Variants in ECT2L observed in about 807,000 individuals in gnomAD.
ECT2L encodes the protein epithelial cell-transforming sequence 2 oncogene-like.
In ECT2L, 126 loss-of-function variants were observed where a neutral mutation model predicts 122.8. The observed-to-expected ratio is 1.03, with a 90% CI of 0.89 to 1.19. The LOEUF (loss-of-function observed/expected upper bound fraction) is 1.19. Among genes scored for constraint, ECT2L ranks in the 50% most tolerant of loss-of-function variants. ECT2L has a pLI of 0.00. For missense variants in ECT2L, 1,012 were observed against 1,064.1 expected (o/e 0.95, Z 0.68); for synonymous variants, 385 against 381.8 (o/e 1.01, Z -0.10).
chr6:138,843,050 T>C lies in ECT2L; in HGVS notation c.414T>C (p.Tyr138=). The C allele has an allele frequency of 5.0e-6, 8 of 1,613,528 alleles. No homozygotes were observed. Among genetic ancestry groups the C allele is most frequent in the Non-Finnish European group, 6.8e-6 (8 of 1,179,582 alleles). ...CCTATACTCCAACAGATAATGAGTATGGTGCTTGGAAGCGCCATTACATTG... is the reference window on the plus strand; with the variant it reads ...CCTATACTCCAACAGATAATGAGTACGGTGCTTGGAAGCGCCATTACATTG... ...FLPYTPTDNE[Y]GAWKRHYIAC... The change falls in exon 6 of 22, where the codon TAT becomes TAC. Residue 138 remains tyrosine (Y), a synonymous_variant. Coordinates refer to ENST00000541398, the MANE Select transcript of ECT2L (RefSeq NM_001077706.3).
At position 138,894,891 on chromosome 6, in the gene ECT2L, T is replaced by C. The variant is rs188948243; in HGVS notation, c.2414+5860T>C. On this transcript the variant is annotated intron_variant, in intron 20 of 21. Transcript: ENST00000541398. The stretch of plus-strand genomic sequence containing the variant: ...ATTGATTTTGCCTCAGCTTCTTCCT[T>C]TTAGGTCAACGACACTGTCTCAGTG... Among the ~76,000 whole-genome samples the C allele has an allele frequency of 3.6e-3, 548 of 152,300 alleles. 4 individuals carry two copies. Among genetic ancestry groups the C allele is most frequent in the African/African-American group, 0.012 (515 of 41,554 alleles).
chr6:138,892,607 C>T (rs1326648525), intron 20 of ECT2L, among the ~76,000 whole-genome samples: 1 of 152,160 alleles, frequency 6.6e-6, no homozygotes, highest in Non-Finnish European at 1.5e-5. Context: ...AATTCTCCTG[C>T]CTCAGGCTTC....
At chr6:138,852,815 A>G (rs1777494536) in intron 9 of ECT2L, among the ~76,000 whole-genome samples, 1 of 152,034 alleles carries the variant, frequency 6.6e-6, no homozygotes, top group Non-Finnish European at 1.5e-5. Flanking sequence ...TAAATGGTGC[A>G]GAGATATTGG....
chr6:138,808,671 CTACA>C (rs1775789745), intron 1 of ECT2L, among the ~76,000 whole-genome samples: 2 of 151,422 alleles, frequency 1.3e-5, no homozygotes, highest in East Asian at 3.9e-4. Context: ...TAATATTTTT[CTACA>C]TACAATTATG....
At chr6:138,890,077 T>C (rs185951608) in intron 20 of ECT2L, among the ~76,000 whole-genome samples, 11 of 152,314 alleles carry the variant, frequency 7.2e-5, no homozygotes, top group East Asian at 3.9e-4. Context: ...GTGTGGGCCA[T>C]AGTGTGGTGA....
chr6:138,869,402 T>A (rs921574713), intron 13 of ECT2L, among the ~76,000 whole-genome samples: 19 of 152,330 alleles, frequency 1.2e-4, no homozygotes, highest in African/African-American at 4.3e-4. Context: ...GAGTATCTGC[T>A]CCTGTTTCAG....
rs752877399 is a variant in ECT2L, at chr6:138,902,607, A to C, written c.2695A>C (p.Lys899Gln). 2 of 1,613,898 alleles carry C rather than the reference A, an allele frequency of 1.2e-6. No individual in the cohort carries two copies. The highest frequency in any genetic ancestry group is 1.7e-6 in the Non-Finnish European group (2 of 1,179,900). ...GCTGTCAGTACTTCGAAATGCAATC[A>C]AAAGCAGTATGGAGAAGTGAGACCG... ...LWLSVLRNAI[K>Q]SSMEK Residue 899 changes from lysine to glutamine, a missense_variant, in exon 22 of 22, where the codon AAA becomes CAA. Lys to Gln is a moderately conservative substitution (Grantham distance 53, BLOSUM62 1). Transcript: ENST00000541398.
chr6:138,897,899 A>G lies in ECT2L; in HGVS notation c.2415-3049A>G, dbSNP rs148057105. Among the ~76,000 whole-genome samples, 4 of 152,310 alleles carry G rather than the reference A, an allele frequency of 2.6e-5. No individual in the cohort carries two copies. In the East Asian group the frequency reaches 7.7e-4, roughly 29 times the overall value. On this transcript the variant is annotated intron_variant, in intron 20 of 21. Coordinates refer to ENST00000541398, the MANE Select transcript of ECT2L (RefSeq NM_001077706.3). ...TTGTCCCTTCCAAAGGAAAAAACTG[A>G]ACATCAATTTACCAAAGCAAGTACC... is the stretch of plus-strand genomic sequence containing the variant.
chr6:138,847,891 A>C (rs1777292939), intron 8 of ECT2L, among the ~76,000 whole-genome samples: 1 of 152,174 alleles, frequency 6.6e-6, no homozygotes, highest in South Asian at 2.1e-4. Flanking sequence ...AAGATTGGGT[A>C]ATTTATAAAG....
chr6:138,898,781 GC>G lies in ECT2L; in HGVS notation c.2415-2166del, dbSNP rs201287153. On this transcript the variant is annotated intron_variant, in intron 20 of 21. Coordinates refer to ENST00000541398, the MANE Select transcript of ECT2L (RefSeq NM_001077706.3). ...GAGGTCTTTGATAAAAATATACACA[GC>G]AGTCCCCCCTTATCCATGAGAATAC... 6.8e-4 allele frequency among the ~76,000 whole-genome samples: 104 copies of G among 152,216 alleles called. No homozygotes were observed. The East Asian group carries it at 0.017, about 25-fold the overall frequency.
At chr6:138,811,885 C>A (rs1166384778) in intron 1 of ECT2L, among the ~76,000 whole-genome samples, 3 of 152,020 alleles carry the variant, frequency 2.0e-5, no homozygotes, top group Non-Finnish European at 4.4e-5. Flanking sequence ...GACGGGGTTT[C>A]ATCATGTTGG....
chr6:138,807,584 TC>T (rs1255007040), intron 1 of ECT2L, among the ~76,000 whole-genome samples: 1 of 152,244 alleles, frequency 6.6e-6, no homozygotes, highest in Non-Finnish European at 1.5e-5. Flanking sequence ...AAAGCCAGTA[TC>T]ATAGGTTTTC....
intron 1 of ECT2L, among the ~76,000 whole-genome samples, chr6:138,799,490 C>T (rs12198968): frequency 0.19 from 28,523 of 152,022 alleles, 3,146 homozygotes; most frequent in Middle Eastern, 0.32. Context: ...CTCCTGACCT[C>T]ATGATCCGCC....
intron 1 of ECT2L, among the ~76,000 whole-genome samples, chr6:138,804,963 C>G (rs907021104): frequency 2.5e-4 from 38 of 152,170 alleles, no homozygotes; most frequent in African/African-American, 8.7e-4. Context: ...CACCAGCATG[C>G]AGAATAACCT....
chr6:138,867,655 CAAAAAAA>C (rs71009601), intron 12 of ECT2L, among the ~76,000 whole-genome samples: 27,103 of 114,462 alleles, frequency 0.24, 2,877 homozygotes, highest in Non-Finnish European at 0.27. Flanking sequence ...CCTAAAACTA[CAAAAAAA>C]AAAAAAAAAA....
intron 10 of ECT2L, among the ~76,000 whole-genome samples, chr6:138,857,982 C>G (rs1186882556): frequency 6.6e-6 from 1 of 152,052 alleles, no homozygotes; most frequent in African/African-American, 2.4e-5. Context: ...AAGAGGAAGC[C>G]CCTTATAAAA....
intron 19 of ECT2L, among the ~76,000 whole-genome samples, chr6:138,887,228 AATTTT>A (rs1197533284): frequency 1.4e-5 from 1 of 71,368 alleles, no homozygotes; most frequent in Non-Finnish European, 3.0e-5. Context: ...TCTTTTCTTT[AATTTT>A]TTTTTTTTTT....
intron 21 of ECT2L, among the ~76,000 whole-genome samples, chr6:138,901,745 T>C (rs1043559036): frequency 1.3e-5 from 2 of 152,250 alleles, no homozygotes; most frequent in African/African-American, 4.8e-5. Context: ...GATCTGTATC[T>C]TATTCCTATA....
intron 3 of ECT2L, 41 bp downstream of exon 3, chr6:138,813,381 A>C: frequency 6.7e-7 from 1 of 1,503,554 alleles, no homozygotes; most frequent in Non-Finnish European, 9.1e-7. Context: ...TTAATTCGTA[A>C]GGTTAATTTT....
Sources: allele counts gnomAD v4.1 joint callset (sites outside exome capture counted in the v4.1 genomes callset), GRCh38; gene constraint gnomAD v4.1.1; transcripts MANE v1.5; gene names NCBI Gene and HGNC (gene_info 2026-07-23, HGNC 2026-07-21).